Variants in RTL9 observed in about 807,000 individuals in gnomAD.
The protein encoded by RTL9 is retrotransposon Gag-like protein 9.
In RTL9, 19 loss-of-function variants were observed where a neutral mutation model predicts 44.7. The ratio of observed to expected loss-of-function variants is 0.42; its 90% confidence interval spans 0.30 to 0.62. The LOEUF (loss-of-function observed/expected upper bound fraction) is 0.62, where lower values mean the gene tolerates loss of function less well. Among genes scored for constraint, RTL9 ranks in the 20% least tolerant of loss-of-function variants. The pLI is 0.16. For synonymous variants in RTL9, 407 were observed against 398.9 expected (o/e 1.02, Z -0.24); for missense variants, 1,105 against 1,080.6 (o/e 1.02, Z -0.32).
chrX:110,367,926 A>G (rs1437143932), intron 1 of RTL9, among the ~76,000 whole-genome samples: 1 of 109,255 alleles, frequency 9.2e-6, no homozygotes, highest in African/African-American at 3.3e-5. Context: ...CTCCCACCTC[A>G]GATTTCCCAG....
At chrX:110,442,706 C>T (rs758690497) in intron 1 of RTL9, among the ~76,000 whole-genome samples, 1 of 111,657 alleles carries the variant, frequency 9.0e-6, no homozygotes, top group Non-Finnish European at 1.9e-5. Flanking sequence ...TCTTGCCACA[C>T]CCACAAGCCC....
intron 1 of RTL9, among the ~76,000 whole-genome samples, chrX:110,359,955 G>A (rs6642761): frequency 8.9e-6 from 1 of 111,836 alleles, no homozygotes; most frequent in East Asian, 2.8e-4. Context: ...TGGGAATGGT[G>A]TGCATTAAAG....
intron 1 of RTL9, among the ~76,000 whole-genome samples, chrX:110,411,975 A>G (rs7887044): frequency 0.039 from 4,378 of 112,747 alleles, 219 homozygotes; most frequent in African/African-American, 0.14. Context: ...ATGAGAAGAT[A>G]ATGAACAATT....
intron 1 of RTL9, among the ~76,000 whole-genome samples, chrX:110,442,434 C>T (rs935383103): frequency 3.6e-5 from 4 of 111,590 alleles, no homozygotes; most frequent in Non-Finnish European, 7.5e-5. Context: ...TGCCAGTTTG[C>T]AAGCTCTGCA....
chrX:110,366,540 T>C (rs1299191617), intron 1 of RTL9, among the ~76,000 whole-genome samples: 1 of 111,568 alleles, frequency 9.0e-6, no homozygotes, highest in African/African-American at 3.3e-5. Flanking sequence ...AAGAGAACAA[T>C]TACGTGCTAA....
intron 1 of RTL9, among the ~76,000 whole-genome samples, chrX:110,360,135 C>T (rs1479718050): frequency 9.0e-6 from 1 of 111,296 alleles, no homozygotes; most frequent in African/African-American, 3.3e-5. Flanking sequence ...AATCTCATAG[C>T]CTCAGACACT....
chrX:110,434,775 C>T (rs2068824029), intron 1 of RTL9, among the ~76,000 whole-genome samples: 1 of 110,797 alleles, frequency 9.0e-6, no homozygotes, highest in African/African-American at 3.3e-5. Context: ...GCTGGAAAGC[C>T]ACCACAGTCA....
At position 110,379,153 on chromosome X, in the gene RTL9, C is replaced by T. The variant is rs145045038; in HGVS notation, c.-168+20237C>T. Reference sequence around the variant, plus strand: ...CCACCCCCATCTGCTTTTCAGTGTACCTTTCAATTGCTCTCTAGTGCTCCA... The same window carrying T: ...CCACCCCCATCTGCTTTTCAGTGTATCTTTCAATTGCTCTCTAGTGCTCCA... On this transcript the variant is annotated intron_variant, in intron 1 of 2. Coordinates refer to the RTL9 transcript ENST00000520821. 5.4e-3 allele frequency among the ~76,000 whole-genome samples: 602 copies of T among 111,725 alleles called. 2 individuals carry two copies. The highest frequency in any genetic ancestry group is 8.3e-3 in the Non-Finnish European group (442 of 53,136).
At chrX:110,434,850 G>A (rs1250629878) in intron 1 of RTL9, among the ~76,000 whole-genome samples, 1 of 110,267 alleles carries the variant, frequency 9.1e-6, no homozygotes, top group South Asian at 4.0e-4. Context: ...CTCATCCAGG[G>A]CAAGGGCTAG....
chrX:110,391,321 T>C (rs960857103), intron 1 of RTL9, among the ~76,000 whole-genome samples: 1 of 112,034 alleles, frequency 8.9e-6, no homozygotes, highest in African/African-American at 3.3e-5. Context: ...GCTGAATTCA[T>C]GGTCAAATCA....
chrX:110,442,247 C>CTGTGTGTG (rs908737506), intron 1 of RTL9, among the ~76,000 whole-genome samples: 82 of 97,036 alleles, frequency 8.5e-4, no homozygotes, highest in African/African-American at 2.6e-3. Flanking sequence ...CTCTCTCTCT[C>CTGTGTGTG]TGTGTGTGTG....
exon 1 of RTL9, chrX:110,454,502 C>T: frequency 8.3e-7 from 1 of 1,211,941 alleles, no homozygotes; most frequent in Non-Finnish European, 1.1e-6. Context: ...AGGTGGCTGG[C>T]AGCCTAAAGG....
At chrX:110,370,409 A>G (rs1032497125) in intron 1 of RTL9, among the ~76,000 whole-genome samples, 3 of 110,802 alleles carry the variant, frequency 2.7e-5, no homozygotes, top group African/African-American at 9.9e-5. Flanking sequence ...TGGTTTCACC[A>G]TGTTGGCCAG....
At chrX:110,435,247 A>T (rs762323989) in intron 1 of RTL9, among the ~76,000 whole-genome samples, 1 of 111,556 alleles carries the variant, frequency 9.0e-6, no homozygotes, top group Non-Finnish European at 1.9e-5. Context: ...AGGACAGGAC[A>T]GTCACTTCAG....
chrX:110,412,824 A>G (rs940899003), intron 1 of RTL9, among the ~76,000 whole-genome samples: 1 of 112,498 alleles, frequency 8.9e-6, no homozygotes, highest in African/African-American at 3.2e-5. Context: ...AGGGTATTAT[A>G]TGTTACACAT....
intron 1 of RTL9, among the ~76,000 whole-genome samples, chrX:110,419,303 C>G (rs765218681): frequency 1.8e-5 from 2 of 112,390 alleles, no homozygotes; most frequent in Non-Finnish European, 3.8e-5. Context: ...TGTTCGTGCT[C>G]CTGCCTGGAC....
At chrX:110,366,543 C>T (rs940131309) in intron 1 of RTL9, among the ~76,000 whole-genome samples, 3 of 111,576 alleles carry the variant, frequency 2.7e-5, no homozygotes, top group Non-Finnish European at 3.8e-5. Context: ...AGAACAATTA[C>T]GTGCTAAACT....
At chrX:110,392,877 T>A (rs1269111162) in intron 1 of RTL9, among the ~76,000 whole-genome samples, 1 of 111,791 alleles carries the variant, frequency 8.9e-6, no homozygotes, top group African/African-American at 3.3e-5. Flanking sequence ...ATAAAAAGAT[T>A]TGATGGTATG....
rs981881665 is a variant in RTL9 at position 110,428,260 on chromosome X, C to T, written c.-168+9125C>T. Among the ~76,000 whole-genome samples the T allele has an allele frequency of 1.2e-4, 13 of 111,587 alleles. No individual in the cohort carries two copies. The South Asian group carries it at 1.5e-3, about 13-fold the overall frequency. On this transcript the variant is annotated intron_variant, in intron 1 of 3. Coordinates refer to the RTL9 transcript ENST00000465301. ...TGTCTGGACCCTTTCTCTAGGCTCC[C>T]GCAACAATCTAAATGTAATCTGATC... is the stretch of plus-strand genomic sequence containing the variant.
Sources: gnomAD v4.1 joint callset for allele counts (sites outside exome capture counted in the v4.1 genomes callset) on GRCh38, gnomAD v4.1.1 for gene constraint, MANE v1.5 for transcripts, NCBI Gene and HGNC (gene_info 2026-07-23, HGNC 2026-07-21) for gene names.